The following CDKAL1 variants were observed in gnomAD, a reference collection of about 807,000 sequenced individuals.
CDKAL1 encodes CDKAL1 threonylcarbamoyladenosine tRNA methylthiotransferase, also known as threonylcarbamoyladenosine tRNA methylthiotransferase.
Under a neutral mutation model 68.2 loss-of-function variants are expected in CDKAL1, and 32 were observed. The ratio of observed to expected loss-of-function variants is 0.47; its 90% CI spans 0.35 to 0.63. CDKAL1 has a LOEUF of 0.63. Among genes scored for constraint, CDKAL1 ranks in the 30% least tolerant of loss-of-function variants. CDKAL1 has a pLI of 0.00. For synonymous variants in CDKAL1, 234 were observed against 244.3 expected (o/e 0.96, Z 0.39); for missense variants, 606 against 696.7 (o/e 0.87, Z 1.47).
At chr6:21,031,338 C>T (rs1401639596) in intron 11 of CDKAL1, among the ~76,000 whole-genome samples, 10 of 151,118 alleles carry the variant, frequency 6.6e-5, no homozygotes, top group Non-Finnish European at 1.2e-4. Context: ...CTGCTTGCAA[C>T]GGGGAAAAAC....
intron 11 of CDKAL1, among the ~76,000 whole-genome samples, chr6:21,024,037 T>C (rs566806330): frequency 3.4e-4 from 51 of 152,040 alleles, no homozygotes; most frequent in Non-Finnish European, 4.7e-4. Flanking sequence ...AATAAATATA[T>C]GATAGAGAGT....
intron 11 of CDKAL1, among the ~76,000 whole-genome samples, chr6:21,040,460 C>T (rs971694128): frequency 3.3e-5 from 5 of 151,974 alleles, no homozygotes; most frequent in Admixed American, 1.3e-4. Context: ...TGAGGAGACA[C>T]CATCACCAGG....
At chr6:20,685,198 T>G (rs1770561789) in intron 5 of CDKAL1, among the ~76,000 whole-genome samples, 1 of 152,224 alleles carries the variant, frequency 6.6e-6, no homozygotes, top group Admixed American at 6.5e-5. Flanking sequence ...GGTCTGTGTT[T>G]AGATTTGTTT....
intron 11 of CDKAL1, among the ~76,000 whole-genome samples, chr6:21,031,742 G>C (rs963576657): frequency 6.6e-6 from 1 of 151,978 alleles, no homozygotes; most frequent in Non-Finnish European, 1.5e-5. Flanking sequence ...CCTTTACTTC[G>C]TGTGCTTTTA....
In CDKAL1 at chr6:20,610,401, G is replaced by T. The variant is rs558586501; in HGVS notation, c.287-38892G>T. On this transcript the variant is annotated intron_variant, in intron 4 of 15. Transcript: ENST00000274695. ...ACTAATTTACATTCCCACCAACATT[G>T]TATAAGCTTTTCCTTTTTCTCCCCA... Among the ~76,000 whole-genome samples the T allele has an allele frequency of 3.3e-5, 5 of 152,122 alleles. No individual in the cohort carries two copies. The South Asian group carries it at 6.2e-4, about 19-fold the overall frequency.
intron 6 of CDKAL1, among the ~76,000 whole-genome samples, chr6:20,747,958 T>C (rs1283650980): frequency 2.0e-5 from 3 of 152,210 alleles, no homozygotes; most frequent in Non-Finnish European, 4.4e-5. Flanking sequence ...GAGAGTTTTC[T>C]CCCAGGAATT....
At chr6:21,095,538 A>G (rs567109537) in intron 12 of CDKAL1, among the ~76,000 whole-genome samples, 1 of 152,048 alleles carries the variant, frequency 6.6e-6, no homozygotes, top group African/African-American at 2.4e-5. Flanking sequence ...GCTCTTCTGT[A>G]ATTTCCTAGC....
At chr6:20,665,457 A>C (rs1769489453) in intron 5 of CDKAL1, among the ~76,000 whole-genome samples, 1 of 152,164 alleles carries the variant, frequency 6.6e-6, no homozygotes, top group Non-Finnish European at 1.5e-5. Context: ...TAATGAATGC[A>C]GTCTGATATG....
intron 8 of CDKAL1, among the ~76,000 whole-genome samples, chr6:20,799,010 G>T (rs1337030202): frequency 6.8e-6 from 1 of 146,008 alleles, no homozygotes; most frequent in Non-Finnish European, 1.5e-5. Context: ...AGGAAAATGG[G>T]CCTGGGCCCA....
intron 13 of CDKAL1, among the ~76,000 whole-genome samples, chr6:21,192,437 A>G (rs890021615): frequency 6.6e-6 from 1 of 152,258 alleles, no homozygotes. Flanking sequence ...ATTGTAAAGT[A>G]TGCCTAGCTT....
intron 4 of CDKAL1, among the ~76,000 whole-genome samples, chr6:20,578,057 C>T (rs913859657): frequency 2.6e-5 from 4 of 152,198 alleles, no homozygotes; most frequent in East Asian, 3.9e-4. Context: ...AAATCTCTGA[C>T]TCCATATTTC....
chr6:21,078,240 C>T (rs930866243), intron 12 of CDKAL1, among the ~76,000 whole-genome samples: 2 of 152,122 alleles, frequency 1.3e-5, no homozygotes, highest in African/African-American at 2.4e-5. Flanking sequence ...TCTGGCTTTT[C>T]GAGACAGCTA....
chr6:21,077,878 T>A (rs1322857638), intron 12 of CDKAL1, among the ~76,000 whole-genome samples: 1 of 152,166 alleles, frequency 6.6e-6, no homozygotes, highest in Non-Finnish European at 1.5e-5. Context: ...ATGGATTACC[T>A]GAGTGGGGTC....
chr6:21,160,833 G>T (rs1447499783), intron 13 of CDKAL1, among the ~76,000 whole-genome samples: 3 of 151,600 alleles, frequency 2.0e-5, no homozygotes, highest in Non-Finnish European at 2.9e-5. Context: ...AGCCCTGCGT[G>T]CAGGTATTTG....
chr6:20,790,035 A>G lies in CDKAL1; in HGVS notation c.638+8770A>G, dbSNP rs111953201. The stretch of plus-strand genomic sequence containing the variant: ...GGTCCTGAACTCCTGGCTTCAAGCA[A>G]TCCTCCTGCCTTGGCCTCCCAAAGC... On this transcript the variant is annotated intron_variant, in intron 8 of 15. Coordinates refer to ENST00000274695, the MANE Select transcript of CDKAL1 (RefSeq NM_017774.3). Among the ~76,000 whole-genome samples, 112 of 152,232 alleles carry G rather than the reference A, an allele frequency of 7.4e-4. 1 individual carries two copies. The highest frequency in any genetic ancestry group is 2.5e-3 in the African/African-American group (103 of 41,530).
chr6:21,144,631 C>CAAAA (rs59162861), intron 13 of CDKAL1, among the ~76,000 whole-genome samples: 4 of 126,856 alleles, frequency 3.2e-5, no homozygotes, highest in African/African-American at 1.1e-4. Context: ...CAAAAAATAC[C>CAAAA]AAAAAAAAAA....
chr6:21,165,203 T>G (rs1777103461), intron 13 of CDKAL1, among the ~76,000 whole-genome samples: 1 of 152,234 alleles, frequency 6.6e-6, no homozygotes, highest in African/African-American at 2.4e-5. Flanking sequence ...ACCATTTTGT[T>G]GTTATTAAAA....
intron 9 of CDKAL1, among the ~76,000 whole-genome samples, chr6:20,850,110 G>GAGT (rs1758931174): frequency 6.6e-6 from 1 of 152,066 alleles, no homozygotes; most frequent in Non-Finnish European, 1.5e-5. Flanking sequence ...AAACTCTTAA[G>GAGT]TTCTGCATTC....
chr6:20,650,582 CT>C (rs1278903603), intron 5 of CDKAL1, among the ~76,000 whole-genome samples: 1 of 152,076 alleles, frequency 6.6e-6, no homozygotes, highest in Non-Finnish European at 1.5e-5. Context: ...TCAATTTTTG[CT>C]TTTGTCGAAA....
Sources: allele counts gnomAD v4.1 joint callset (sites outside exome capture counted in the v4.1 genomes callset), GRCh38; gene constraint gnomAD v4.1.1; transcripts MANE v1.5; gene names NCBI Gene and HGNC (gene_info 2026-07-23, HGNC 2026-07-21).